The following ARCN1 variants were observed in gnomAD, a reference collection of about 807,000 sequenced individuals.
ARCN1 encodes coatomer subunit delta.
In ARCN1, 5 loss-of-function variants were observed where a neutral mutation model predicts 60.4. The ratio of observed to expected loss-of-function variants is 0.08; its 90% confidence interval spans 0.04 to 0.17. The LOEUF (loss-of-function observed/expected upper bound fraction) is 0.17, where lower values mean the gene tolerates loss of function less well. Ranked by LOEUF, ARCN1 falls within the 10% of genes least tolerant of loss-of-function variation. The probability of loss-of-function intolerance (pLI) is 1.00; values close to 1 mark genes in which losing one functional copy is unlikely to be tolerated. For missense variants in ARCN1, 464 were observed against 626.5 expected (o/e 0.74, Z 2.77); for synonymous variants, 224 against 220.0 (o/e 1.02, Z -0.16).
intron 2 of ARCN1, among the ~76,000 whole-genome samples, chr11:118,582,553 C>T (rs1938681768): frequency 4.7e-5 from 7 of 150,410 alleles, no homozygotes; most frequent in Non-Finnish European, 1.5e-5. Flanking sequence ...GGTGAAACCT[C>T]GTCTCTACTC....
intron 7 of ARCN1, among the ~76,000 whole-genome samples, chr11:118,593,273 G>C (rs1938952093): frequency 6.6e-6 from 1 of 152,106 alleles, no homozygotes; most frequent in Non-Finnish European, 1.5e-5. Flanking sequence ...CTGTCACCCA[G>C]GCTGGAGTGC....
Position 118,587,596 on chromosome 11 carries a change from G to C in ARCN1, c.819-2745G>C, listed in dbSNP as rs1555075671. On this transcript the variant is annotated intron_variant, in intron 5 of 9. Transcript: ENST00000264028. Reference sequence around the variant, plus strand: ...GTTTTTTCTATTTTCTCATTCAACAGCAACAATGAACACAGAAGACTTCTG... The same window carrying C: ...GTTTTTTCTATTTTCTCATTCAACACCAACAATGAACACAGAAGACTTCTG... Among the ~76,000 whole-genome samples, 6 of 152,146 alleles carry C rather than the reference G, an allele frequency of 3.9e-5. No individual in the cohort carries two copies. The South Asian group carries it at 1.2e-3, about 32-fold the overall frequency.
intron 1 of ARCN1, among the ~76,000 whole-genome samples, chr11:118,576,424 GTTAAAA>G (rs1253313350): frequency 6.2e-5 from 2 of 32,240 alleles, no homozygotes; most frequent in African/African-American, 2.4e-4. Context: ...TTCCAAAAAT[GTTAAAA>G]AAAAAAAAAA....
At chr11:118,591,143 T>C (rs1425111530) in intron 6 of ARCN1, among the ~76,000 whole-genome samples, 1 of 152,262 alleles carries the variant, frequency 6.6e-6, no homozygotes, top group African/African-American at 2.4e-5. Context: ...CCTTTCAATA[T>C]AAGTGTGTGT....
Position 118,597,770 on chromosome 11 carries a change from A to G in ARCN1, c.1305A>G (p.Arg435=). 1 of 1,614,178 alleles carries G rather than the reference A, an allele frequency of 6.2e-7. No individual in the cohort carries two copies. Among genetic ancestry groups the G allele is most frequent in the East Asian group, 2.2e-5 (1 of 44,880 alleles). ...GGGAGTATCGACATGACAGTCGACG[A>G]AATACCCTGGAGTGGTGCCTGCCTG... The part of the protein sequence containing the change: ...IDGEYRHDSR[R]NTLEWCLPVI... The change falls in exon 9 of 10, where the codon CGA becomes CGG. Residue 435 remains arginine, a synonymous_variant. Coordinates refer to ENST00000264028, the MANE Select transcript of ARCN1 (RefSeq NM_001655.5).
chr11:118,581,835 G>GAC (rs143787981), intron 2 of ARCN1, among the ~76,000 whole-genome samples: 43 of 150,840 alleles, frequency 2.9e-4, no homozygotes, highest in Admixed American at 1.1e-3. Flanking sequence ...TCCAGAGACA[G>GAC]ACACACACAC....
At chr11:118,589,926 C>T (rs1366585458) in intron 5 of ARCN1, among the ~76,000 whole-genome samples, 2 of 152,110 alleles carry the variant, frequency 1.3e-5, no homozygotes, top group Admixed American at 6.6e-5. Context: ...TTTAAAAAAA[C>T]GTTGTTGATG....
chr11:118,579,581 G>T (rs1461219854), intron 1 of ARCN1, among the ~76,000 whole-genome samples: 8 of 151,110 alleles, frequency 5.3e-5, no homozygotes, highest in African/African-American at 1.9e-4. Flanking sequence ...CCAGCTACTC[G>T]GGAGGCTGAG....
At chr11:118,573,879 C>G (rs1237809497) in intron 1 of ARCN1, 1 of 494,534 alleles carries the variant, frequency 2.0e-6, no homozygotes, top group Non-Finnish European at 3.6e-6. Flanking sequence ...CCAGGAGGTT[C>G]TGTATTTGGT....
At chr11:118,598,003 G>A in intron 9 of ARCN1, 92 bp downstream of exon 9, 1 of 1,293,830 alleles carries the variant, frequency 7.7e-7, no homozygotes, top group Non-Finnish European at 1.1e-6. Flanking sequence ...GGCTTTTTGT[G>A]GTCAGATAAA....
chr11:118,582,700 C>T (rs1370797550), intron 2 of ARCN1, among the ~76,000 whole-genome samples: 193 of 137,558 alleles, frequency 1.4e-3, no homozygotes, highest in African/African-American at 4.3e-3. Flanking sequence ...CACTCCAGAC[C>T]GGGTGACAGA....
At position 118,584,595 on chromosome 11, in the gene ARCN1, C is replaced by A. The variant is rs199849563; in HGVS notation, c.769C>A (p.Arg257Ser). The change falls in exon 5 of 10, where the codon CGT (arginine) becomes AGT (serine). Residue 257 changes from arginine (R) to serine (S), a missense_variant. By Grantham distance (110) the Arg-to-Ser change is moderately radical (BLOSUM62 -1). This residue lies in a region of ARCN1 where 359 missense variants were observed against 440.2 expected (regional missense o/e 0.82). Coordinates refer to ENST00000264028, the MANE Select transcript of ARCN1 (RefSeq NM_001655.5). ...ETIMSSSMGKRTSEATKMHAP... is the reference protein window; with the variant it reads ...ETIMSSSMGKSTSEATKMHAP... ...CATCATGTCCTCTAGTATGGGCAAG[C>A]GTACTTCTGAAGCAACCAAAATGCA... 8.6e-5 allele frequency: 138 copies of A among 1,612,566 alleles called. No individual in the cohort carries two copies. In the East Asian group the frequency reaches 2.9e-3, roughly 34 times the overall value.
At chr11:118,576,443 A>C (rs1302870393) in intron 1 of ARCN1, among the ~76,000 whole-genome samples, 3 of 147,676 alleles carry the variant, frequency 2.0e-5, no homozygotes, top group African/African-American at 7.4e-5. Flanking sequence ...AAAAAAAAAA[A>C]AAAAAACCAA....
At chr11:118,596,756 T>G (rs1012818606) in intron 8 of ARCN1, among the ~76,000 whole-genome samples, 1 of 152,182 alleles carries the variant, frequency 6.6e-6, no homozygotes, top group Non-Finnish European at 1.5e-5. Flanking sequence ...TCTCGCAGAT[T>G]AAGGACAACT....
chr11:118,594,624 A>C (rs1938986031), intron 8 of ARCN1, among the ~76,000 whole-genome samples: 1 of 152,146 alleles, frequency 6.6e-6, no homozygotes, highest in Non-Finnish European at 1.5e-5. Flanking sequence ...ATCTCGGCTC[A>C]CTGCAACCTC....
intron 1 of ARCN1, among the ~76,000 whole-genome samples, chr11:118,576,221 A>G (rs17122274): frequency 0.016 from 2,369 of 152,008 alleles, 78 homozygotes; most frequent in African/African-American, 0.053. Context: ...GAGAGTTGTT[A>G]TTTAGTCCAA....
intron 8 of ARCN1, among the ~76,000 whole-genome samples, 171 bp from the exon 9 acceptor site, chr11:118,597,536 A>G (rs1470947706): frequency 1.4e-5 from 2 of 147,740 alleles, no homozygotes; most frequent in African/African-American, 2.5e-5. Flanking sequence ...TCTTAGCCCA[A>G]GGTGCTAGGA....
Position 118,581,138 on chromosome 11 carries a change from A to T in ARCN1, c.4-108A>T, listed in dbSNP as rs114878181. ...CTGTCTTAAAAATAATACTACTACTAGTCATGTCACTAAATAAATATGTCA... is the reference window on the plus strand; with the variant it reads ...CTGTCTTAAAAATAATACTACTACTTGTCATGTCACTAAATAAATATGTCA... On this transcript the variant is annotated intron_variant, in intron 1 of 9. Coordinates refer to ENST00000264028, the MANE Select transcript of ARCN1 (RefSeq NM_001655.5). 8.1e-5 allele frequency: 112 copies of T among 1,382,946 alleles called. 1 individual carries two copies. In the Middle Eastern group the frequency reaches 2.6e-3, roughly 32 times the overall value. The allele number at this position is 1,382,946 out of a possible 1,614,324, so 85.7% of individuals were successfully genotyped here. A position where few individuals can be genotyped will look rare whatever the true frequency, so the allele number is the denominator to read the frequency against.
chr11:118,578,169 AAAT>A (rs1555074028), intron 1 of ARCN1, among the ~76,000 whole-genome samples: 7 of 24,852 alleles, frequency 2.8e-4, no homozygotes, highest in Non-Finnish European at 5.0e-4. Flanking sequence ...CTCAAAAAAT[AAAT>A]AAATAAATAA....
Sources: gnomAD v4.1 joint callset for allele counts (sites outside exome capture counted in the v4.1 genomes callset) on GRCh38, gnomAD v4.1.1 for gene constraint, gnomAD v4.1.1 regional missense constraint, MANE v1.5 for transcripts, NCBI Gene and HGNC (gene_info 2026-07-23, HGNC 2026-07-21) for gene names.